KIF24: variants seen among roughly 807,000 people sequenced by gnomAD.
The protein encoded by KIF24 is kinesin family member 24.
A neutral mutation model predicts 118.9 loss-of-function variants in KIF24; 81 were observed. The observed-to-expected ratio is 0.68, with a 90% confidence interval of 0.57 to 0.82. The LOEUF (loss-of-function observed/expected upper bound fraction) is 0.82. KIF24 is among the 40% of genes least tolerant of loss of function. The probability of loss-of-function intolerance (pLI) is 0.00; values close to 1 mark genes in which losing one functional copy is unlikely to be tolerated. For synonymous variants in KIF24, 599 were observed against 610.0 expected (o/e 0.98, Z 0.27); for missense variants, 1,560 against 1,661.6 (o/e 0.94, Z 1.06).
At chr9:34,319,757 C>T in intron 1 of KIF24, 1 of 617,814 alleles carries the variant, frequency 1.6e-6, no homozygotes, top group South Asian at 1.5e-5. Flanking sequence ...CTTGGATACT[C>T]CATGGGTGGG....
In KIF24 at chr9:34,318,846, G is replaced by A. The variant is rs1043105970; in HGVS notation, c.-25-7475C>T. The A allele has an allele frequency of 4.4e-5, 70 of 1,600,642 alleles. No homozygotes were observed. The highest frequency in any genetic ancestry group is 1.6e-4 in the Middle Eastern group (1 of 6,068). ...GTGAGTTTCGCTGATGACTTCGTGC[G>A]CAGCAGCAAGCAGCACTACAACTGC... On this transcript the variant is annotated intron_variant, in intron 1 of 12. Transcript: ENST00000402558. This position sits in a 1 kb window ranked among gnomAD's most constrained non-coding sequence, Gnocchi z 4.9.
chr9:34,312,010 G>A (rs1837187358), intron 1 of KIF24, among the ~76,000 whole-genome samples: 3 of 152,102 alleles, frequency 2.0e-5, no homozygotes, highest in Admixed American at 2.0e-4. Flanking sequence ...ATAATGAACA[G>A]GGGCTAAGAA....
chr9:34,261,573 A>G (rs1835058747), intron 9 of KIF24, among the ~76,000 whole-genome samples: 1 of 152,236 alleles, frequency 6.6e-6, no homozygotes, highest in Non-Finnish European at 1.5e-5. Context: ...CATACAGTAC[A>G]TGATCTTTTA....
At chr9:34,329,387 G>C (rs1387200773), upstream of KIF24, 1 of 152,248 alleles carries the variant, frequency 6.6e-6, no homozygotes, top group Non-Finnish European at 1.5e-5. Context: ...TGAAGAAACC[G>C]TGGGCGTAAC....
intron 8 of KIF24, among the ~76,000 whole-genome samples, chr9:34,263,642 T>A (rs1367354127): frequency 6.6e-6 from 1 of 152,062 alleles, no homozygotes; most frequent in African/African-American, 2.4e-5. Context: ...AGATATAAAC[T>A]ATCTGAATGG....
chr9:34,292,422 A>C (rs1051680850), intron 4 of KIF24, among the ~76,000 whole-genome samples: 4 of 152,004 alleles, frequency 2.6e-5, no homozygotes, highest in Non-Finnish European at 4.4e-5. Flanking sequence ...TAAATACTGA[A>C]GCCCTCAAAA....
chr9:34,291,697 A>G (rs11795349), intron 4 of KIF24, among the ~76,000 whole-genome samples: 72,190 of 152,084 alleles, frequency 0.47, 20,095 homozygotes, highest in South Asian at 0.64. Flanking sequence ...ATTCACCCAC[A>G]CAGTGCTAAG....
chr9:34,267,618 T>C (rs570412699), intron 8 of KIF24, among the ~76,000 whole-genome samples: 2 of 152,292 alleles, frequency 1.3e-5, no homozygotes, highest in South Asian at 2.1e-4. Context: ...GTTAATTATA[T>C]ATTTTATTTA....
At chr9:34,259,835 G>A in intron 9 of KIF24, 130 bp from the exon 10 acceptor site, 3 of 610,084 alleles carry the variant, frequency 4.9e-6, no homozygotes, top group Non-Finnish European at 5.9e-6. Flanking sequence ...ATTAACAAAA[G>A]AAAAAATACA....
Position 34,256,574 on chromosome 9 carries a change from G to A in KIF24, c.3033C>T (p.Val1011=). 1 of 1,614,006 alleles carries A rather than the reference G, an allele frequency of 6.2e-7. No individual in the cohort carries two copies. Among genetic ancestry groups the A allele is most frequent in the Middle Eastern group, 1.6e-4 (1 of 6,062 alleles). The change falls in exon 11 of 13, where the codon GTC becomes GTT. Residue 1011 remains valine (V), a synonymous_variant. Coordinates refer to ENST00000402558, the MANE Select transcript of KIF24 (RefSeq NM_194313.4). ...TCACCTGGATTGGGCCGTCTGCACT[G>A]ACTTCTCTCAGAGGTGTGGTGACTG... is the stretch of plus-strand genomic sequence containing the variant. ...RDTVTTPLRE[V]SADGPIQVTS...
At chr9:34,309,864 C>T (rs184797756) in intron 2 of KIF24, among the ~76,000 whole-genome samples, 90 of 151,860 alleles carry the variant, frequency 5.9e-4, no homozygotes, top group African/African-American at 2.1e-3. Flanking sequence ...AATTCTTTAT[C>T]TTAAGGTATG....
At position 34,318,496 on chromosome 9, in the gene KIF24, C is replaced by A; in HGVS notation, c.-25-7125G>T. 2.4e-6 allele frequency: 2 copies of A among 838,486 alleles called. No individual in the cohort carries two copies. The highest frequency in any genetic ancestry group is 4.0e-6 in the Non-Finnish European group (2 of 504,790). The allele number at this position is 838,486 out of a possible 1,614,324, so 51.9% of individuals were successfully genotyped here. A position where few individuals can be genotyped will look rare whatever the true frequency, so the allele number is the denominator to read the frequency against. ...AACCTGCAGCCACAGCAGCTCCTGG[C>A]ACCGCAGAGAAGCTGAGCCCCAAGG... On this transcript the variant is annotated intron_variant, in intron 1 of 12. Transcript: ENST00000402558. The surrounding 1 kb of genome is among the most constrained non-coding windows in gnomAD (Gnocchi z 4.9).
rs1395011472 is a variant in KIF24 at position 34,297,058 on chromosome 9, G to C, written c.870C>G (p.Tyr290Ter). The C allele has an allele frequency of 1.9e-6, 3 of 1,596,738 alleles. No homozygotes were observed. Among genetic ancestry groups the C allele is most frequent in the Non-Finnish European group, 2.6e-6 (3 of 1,168,434 alleles). ...GAATAAGTGGGTGAGTAGTCTTCAT[G>C]TATACATCCTGATTGGTGCACGCCT... ...FGEACTNQDV[Y>*]MKTTHPLIQH... Residue 290 changes from tyrosine (Y) to a stop codon, truncating the protein, a stop_gained, in exon 4 of 13, where the codon TAC becomes TAG. Coordinates refer to ENST00000402558, the MANE Select transcript of KIF24 (RefSeq NM_194313.4). LOFTEE classifies it high-confidence loss of function.
chr9:34,284,089 A>G (rs540708818), intron 6 of KIF24, among the ~76,000 whole-genome samples: 1 of 151,838 alleles, frequency 6.6e-6, no homozygotes, highest in East Asian at 1.9e-4. Flanking sequence ...GCAACATGGT[A>G]GGACCCTGTC....
At chr9:34,324,828 C>T (rs1837626553) in intron 1 of KIF24, among the ~76,000 whole-genome samples, 1 of 152,206 alleles carries the variant, frequency 6.6e-6, no homozygotes, top group African/African-American at 2.4e-5. Context: ...CCTCCACTAT[C>T]ATCAAACTTC....
intron 6 of KIF24, among the ~76,000 whole-genome samples, chr9:34,285,081 G>A (rs1015616705): frequency 6.6e-5 from 10 of 152,284 alleles, no homozygotes; most frequent in Admixed American, 1.3e-4. Flanking sequence ...AACAGGGGAA[G>A]TGGGGTATGT....
Position 34,310,935 on chromosome 9 carries a change from C to T in KIF24, c.412G>A (p.Glu138Lys). The stretch of plus-strand genomic sequence containing the variant: ...TGGGAATCATCTGGTAGCATGTGTT[C>T]TAGCACTTTTAGGTAAGTGGACTTC... ...EQKSTYLKVL[E>K]HMLPDDSQYH... Residue 138 changes from glutamate to lysine, a missense_variant, in exon 2 of 13, where the codon GAA (glutamate) becomes AAA (lysine). Transcript: ENST00000402558. The T allele has an allele frequency of 1.2e-6, 2 of 1,613,860 alleles. No individual in the cohort carries two copies. The highest frequency in any genetic ancestry group is 2.2e-5 in the East Asian group (1 of 44,888).
chr9:34,255,725 T>A lies in KIF24; in HGVS notation c.3872+10A>T. 2 of 1,598,466 alleles carry A rather than the reference T, an allele frequency of 1.3e-6. No individual in the cohort carries two copies. Among genetic ancestry groups the A allele is most frequent in the African/African-American group, 2.7e-5 (2 of 74,846 alleles). ...AGGGGCTCAAGTCTTAGGGAAAGTG[T>A]CCAACTTACTGCGCTTGCTCCAGGG... On this transcript the variant is annotated intron_variant, in intron 11 of 12. Coordinates refer to ENST00000402558, the MANE Select transcript of KIF24 (RefSeq NM_194313.4).
At chr9:34,297,226 A>C in intron 3 of KIF24, 112 bp from the exon 4 acceptor site, 1 of 600,494 alleles carries the variant, frequency 1.7e-6, no homozygotes, top group Non-Finnish European at 2.9e-6. Context: ...ACAGTAACTG[A>C]CCATATCAAA....
Sources: gnomAD v4.1 joint callset for allele counts (sites outside exome capture counted in the v4.1 genomes callset) on GRCh38, gnomAD v4.1.1 for gene constraint, Gnocchi (gnomAD v3.1) non-coding constraint, MANE v1.5 for transcripts, NCBI Gene and HGNC (gene_info 2026-07-23, HGNC 2026-07-21) for gene names.